Variants in FAAH2 observed in about 807,000 individuals in gnomAD.
FAAH2 encodes fatty acid amide hydrolase 2, also known as fatty-acid amide hydrolase 2.
Under a neutral mutation model 36.9 loss-of-function variants are expected in FAAH2, and 60 were observed. The observed-to-expected ratio is 1.63, with a 90% CI of 1.32 to 2.02. FAAH2 has a LOEUF of 2.02. Ranked by LOEUF, FAAH2 falls within the 30% of genes most tolerant of loss-of-function variation. FAAH2 has a pLI of 0.00. For missense variants in FAAH2, 689 were observed against 397.5 expected (o/e 1.73, Z -6.23); for synonymous variants, 214 against 143.8 (o/e 1.49, Z -3.49).
intron 2 of FAAH2, among the ~76,000 whole-genome samples, chrX:57,303,851 C>G (rs768048560): frequency 1.8e-5 from 2 of 111,935 alleles, no homozygotes; most frequent in South Asian, 7.4e-4. Context: ...TTTCTGAATC[C>G]TTACCTCTAA....
the FAAH2 span, among the ~76,000 whole-genome samples, chrX:57,148,293 A>G: frequency 3.6e-5 from 4 of 111,399 alleles, no homozygotes; most frequent in Non-Finnish European, 7.5e-5. Flanking sequence ...TTCCAATTCT[A>G]TGAAGAAAGT....
At chrX:57,389,786 T>C (rs1323444745) in intron 7 of FAAH2, among the ~76,000 whole-genome samples, 2 of 111,072 alleles carry the variant, frequency 1.8e-5, no homozygotes, top group African/African-American at 3.3e-5. Flanking sequence ...ATGTTTTGAA[T>C]GGCTGTACAA....
At chrX:57,386,127 A>T (rs1243666812) in intron 7 of FAAH2, among the ~76,000 whole-genome samples, 1 of 111,416 alleles carries the variant, frequency 9.0e-6, no homozygotes, top group Non-Finnish European at 1.9e-5. Flanking sequence ...TCCTATATTA[A>T]TTTTTACGTG....
chrX:57,158,073 G>A, the FAAH2 span, among the ~76,000 whole-genome samples: 4 of 110,494 alleles, frequency 3.6e-5, no homozygotes, highest in African/African-American at 1.3e-4. Context: ...TGCTCAATTC[G>A]CACCAATGAG....
the FAAH2 span, among the ~76,000 whole-genome samples, chrX:57,184,611 G>A: frequency 2.7e-5 from 3 of 112,719 alleles, no homozygotes; most frequent in Non-Finnish European, 3.8e-5. Context: ...GAAGTGAAGT[G>A]ATTTTCTGAA....
intron 2 of FAAH2, among the ~76,000 whole-genome samples, chrX:57,304,108 G>A (rs752256861): frequency 2.7e-5 from 3 of 111,773 alleles, no homozygotes; most frequent in Admixed American, 9.6e-5. Context: ...TCAGGGGGCC[G>A]AGGCAGGAGA....
At chrX:57,211,226 C>T in the FAAH2 span, among the ~76,000 whole-genome samples, 2 of 111,845 alleles carry the variant, frequency 1.8e-5, no homozygotes, top group Non-Finnish European at 3.8e-5. Context: ...GGTTGAAGCA[C>T]AAGAGTAATT....
intron 2 of FAAH2, among the ~76,000 whole-genome samples, chrX:57,306,690 T>TTGTGTGTG (rs758466450): frequency 2.9e-5 from 2 of 68,610 alleles, no homozygotes; most frequent in African/African-American, 1.3e-4. Flanking sequence ...TAGCAACATC[T>TTGTGTGTG]TGTGTGTGTG....
At chrX:57,474,694 A>G (rs2057233172) in intron 10 of FAAH2, among the ~76,000 whole-genome samples, 1 of 112,222 alleles carries the variant, frequency 8.9e-6, no homozygotes, top group Non-Finnish European at 1.9e-5. Context: ...TTTATAGTAG[A>G]ATGATTTATA....
chrX:57,328,224 C>T (rs1012876927), intron 3 of FAAH2, among the ~76,000 whole-genome samples: 1 of 111,324 alleles, frequency 9.0e-6, no homozygotes, highest in Non-Finnish European at 1.9e-5. Context: ...GAGTACCTGG[C>T]CGTGTGAGGT....
At chrX:57,241,240 T>TA in the FAAH2 span, among the ~76,000 whole-genome samples, 1 of 112,280 alleles carries the variant, frequency 8.9e-6, no homozygotes, top group Non-Finnish European at 1.9e-5. Context: ...CCAAAAACTA[T>TA]AAAAATCCTG....
chrX:57,383,150 T>C (rs1345214422), intron 7 of FAAH2, among the ~76,000 whole-genome samples: 1 of 111,836 alleles, frequency 8.9e-6, no homozygotes, highest in East Asian at 2.8e-4. Flanking sequence ...AAGCTCTCAA[T>C]AAATTAGGTA....
At chrX:57,331,408 T>C (rs898558022) in intron 3 of FAAH2, among the ~76,000 whole-genome samples, 190 bp from the exon 4 acceptor site, 2 of 110,369 alleles carry the variant, frequency 1.8e-5, no homozygotes, top group African/African-American at 3.3e-5. Flanking sequence ...AGCATCTGTG[T>C]CTTCCCTCCA....
At chrX:57,423,895 C>G (rs2056096447) in intron 7 of FAAH2, among the ~76,000 whole-genome samples, 1 of 111,856 alleles carries the variant, frequency 8.9e-6, no homozygotes, top group Non-Finnish European at 1.9e-5. Context: ...TTGAACCCCA[C>G]AGCCACGACC....
intron 10 of FAAH2, among the ~76,000 whole-genome samples, chrX:57,486,590 A>T (rs1001805075): frequency 4.5e-5 from 5 of 111,528 alleles, no homozygotes; most frequent in Non-Finnish European, 9.4e-5. Context: ...TTTGTTTCTA[A>T]CAAATCTCAG....
intron 9 of FAAH2, among the ~76,000 whole-genome samples, chrX:57,448,177 C>G: frequency 9.0e-6 from 1 of 111,553 alleles, no homozygotes; most frequent in African/African-American, 3.3e-5. Flanking sequence ...CATCATATTG[C>G]CCAAGCTGGT....
At chrX:57,326,106 C>A (rs2053206223) in intron 3 of FAAH2, among the ~76,000 whole-genome samples, 1 of 75,283 alleles carries the variant, frequency 1.3e-5, no homozygotes, top group African/African-American at 5.8e-5. Flanking sequence ...ACCCAGTAGT[C>A]ATTCAGGAGC....
the FAAH2 span, among the ~76,000 whole-genome samples, chrX:57,231,490 C>A: frequency 9.0e-6 from 1 of 111,262 alleles, no homozygotes; most frequent in Non-Finnish European, 1.9e-5. Context: ...TTTGTAATTG[C>A]AAGAATATTT....
At chrX:57,467,843 C>G (rs2057080092) in intron 10 of FAAH2, among the ~76,000 whole-genome samples, 1 of 111,911 alleles carries the variant, frequency 8.9e-6, no homozygotes, top group Admixed American at 9.5e-5. Context: ...CTGAGAGACA[C>G]CCCCCAGTAG....
Sources: gnomAD v4.1 joint callset for allele counts (sites outside exome capture counted in the v4.1 genomes callset) on GRCh38, gnomAD v4.1.1 for gene constraint, MANE v1.5 for transcripts, NCBI Gene and HGNC (gene_info 2026-07-23, HGNC 2026-07-21) for gene names.